The following PCDHGB4 variants were observed in gnomAD, a reference collection of about 807,000 sequenced individuals.
PCDHGB4 encodes protocadherin gamma-B4.
Under a neutral mutation model 60.5 loss-of-function variants are expected in PCDHGB4, and 38 were observed. That is an observed-to-expected ratio of 0.63 (90% CI 0.48 to 0.82). The LOEUF (loss-of-function observed/expected upper bound fraction) is 0.82. PCDHGB4 is among the 40% of genes least tolerant of loss of function. PCDHGB4 has a pLI of 0.00. For missense variants in PCDHGB4, 1,109 were observed against 1,209.6 expected, an observed-to-expected ratio of 0.92 and a Z score of 1.23; for synonymous variants, 456 against 509.7, an observed-to-expected ratio of 0.89 and a Z score of 1.42.
At chr5:141,414,167 A>T (rs2095716553) in intron 1 of PCDHGB4, 3 of 1,605,526 alleles carry the variant, frequency 1.9e-6, no homozygotes, top group Non-Finnish European at 2.6e-6. Flanking sequence ...GGAGGAGCAT[A>T]TCTTGCAACT....
chr5:141,454,081 T>C (rs1009599234), intron 1 of PCDHGB4, among the ~76,000 whole-genome samples: 2 of 152,198 alleles, frequency 1.3e-5, no homozygotes, highest in African/African-American at 4.8e-5. Flanking sequence ...ATGTTTTCAG[T>C]GAAATTTGAA....
intron 1 of PCDHGB4, chr5:141,395,285 T>A: frequency 6.5e-7 from 1 of 1,535,168 alleles, no homozygotes; most frequent in Non-Finnish European, 8.8e-7. Context: ...GAATTTTATT[T>A]GGCATAAATT....
rs767397479 is a variant in PCDHGB4 at position 141,430,717 on chromosome 5, T to C, written c.2397+40436T>C. On this transcript the variant is annotated intron_variant, in intron 1 of 3. Transcript: ENST00000519479. ...GCGAAGGAACTGCTCCTGACTTCAG[T>C]GGTTAAGGGCAGAATTGAAAATAAT... is the stretch of plus-strand genomic sequence containing the variant. The C allele has an allele frequency of 8.1e-6, 12 of 1,475,446 alleles. No individual in the cohort carries two copies. The East Asian group carries it at 2.4e-4, about 29-fold the overall frequency. 91.4% of individuals were successfully genotyped at this position (1,475,446 alleles called of 1,614,324 possible). A position where few individuals can be genotyped will look rare whatever the true frequency, so the allele number is the denominator to read the frequency against.
At chr5:141,428,448 T>C in intron 1 of PCDHGB4, 12 of 375,612 alleles carry the variant, frequency 3.2e-5, no homozygotes, top group South Asian at 2.4e-4. Flanking sequence ...CAGGGGTTTT[T>C]CCCAACTACA....
At position 141,490,219 on chromosome 5, in the gene PCDHGB4, C is replaced by T. The variant is rs771985398; in HGVS notation, c.2398-4588C>T. 2.5e-5 allele frequency: 41 copies of T among 1,614,094 alleles called. No individual in the cohort carries two copies. The highest frequency in any genetic ancestry group is 3.3e-5 in the Non-Finnish European group (39 of 1,180,038). On this transcript the variant is annotated intron_variant, in intron 1 of 3. Coordinates refer to ENST00000519479, the MANE Select transcript of PCDHGB4 (RefSeq NM_003736.4). This position sits in a 1 kb window ranked among gnomAD's most constrained non-coding sequence, Gnocchi z 5.4. ...TCATGCAAGAGCCCGTGACCAGGGA[C>T]AGCCTGCCATGGAGGGCCACTGTGT... is the stretch of plus-strand genomic sequence containing the variant.
chr5:141,399,527 T>A (rs781680585), intron 1 of PCDHGB4: 2 of 1,614,016 alleles, frequency 1.2e-6, no homozygotes, highest in East Asian at 2.2e-5. Context: ...GGGGCCTCCA[T>A]CGCGCAAGTC....
intron 1 of PCDHGB4, among the ~76,000 whole-genome samples, chr5:141,463,380 A>G (rs994170903): frequency 2.0e-5 from 3 of 149,876 alleles, no homozygotes; most frequent in Admixed American, 6.7e-5. Context: ...ACAGTCTGAA[A>G]GTTGTCTCCA....
rs980196319 is a variant in PCDHGB4 at position 141,511,604 on chromosome 5, A to C, written c.*431A>C. 3 of 248,420 alleles carry C rather than the reference A, an allele frequency of 1.2e-5. No individual in the cohort carries two copies. Among genetic ancestry groups the C allele is most frequent in the African/African-American group, 6.6e-5 (3 of 45,596 alleles). The allele number at this position is 248,420 out of a possible 1,614,324, so 15.4% of individuals were successfully genotyped here. Reference sequence around the variant, plus strand: ...GGTGTTGAAGTACCAAGTAACCTACAAGCCTCCTAGTTCTGAAAAGTTGGA... The same window carrying C: ...GGTGTTGAAGTACCAAGTAACCTACCAGCCTCCTAGTTCTGAAAAGTTGGA... On this transcript the variant is annotated 3_prime_UTR_variant, in exon 4 of 4. Coordinates refer to ENST00000519479, the MANE Select transcript of PCDHGB4 (RefSeq NM_003736.4).
At chr5:141,430,808 G>A in intron 1 of PCDHGB4, 1 of 1,526,682 alleles carries the variant, frequency 6.6e-7, no homozygotes, top group East Asian at 2.3e-5. Flanking sequence ...TGTCCTGCTG[G>A]GAATCCTCCT....
At chr5:141,409,135 T>G (rs748247175) in intron 1 of PCDHGB4, 1 of 1,614,026 alleles carries the variant, frequency 6.2e-7, no homozygotes, top group Non-Finnish European at 8.5e-7. Context: ...ATTTTGAAGA[T>G]GTAGAAAGGT....
intron 1 of PCDHGB4, among the ~76,000 whole-genome samples, chr5:141,436,221 G>C (rs1468526543): frequency 6.6e-6 from 1 of 152,004 alleles, no homozygotes; most frequent in African/African-American, 2.4e-5. Context: ...CAAATGACTT[G>C]GGAAACTAAG....
At chr5:141,419,051 T>A (rs1007349455) in intron 1 of PCDHGB4, 6 of 1,613,950 alleles carry the variant, frequency 3.7e-6, no homozygotes, top group East Asian at 2.2e-5. Context: ...TCATTCTTCT[T>A]CTAATAATTA....
In PCDHGB4 at chr5:141,489,068, G is replaced by GGC; in HGVS notation, c.2398-5739_2398-5738insGC. 1 of 291,558 alleles carries GGC rather than the reference G, an allele frequency of 3.4e-6. No individual in the cohort carries two copies. The allele number at this position is 291,558 out of a possible 1,614,324, so 18.1% of individuals were successfully genotyped here. ...CTCAAATTCAGCTCCCCTCCCCCCT[G>GGC]CCCACCCCCGCCACTCGGTGACTAA... On this transcript the variant is annotated intron_variant, in intron 1 of 3. Transcript: ENST00000519479. The surrounding 1 kb of genome is among the most constrained non-coding windows in gnomAD (Gnocchi z 4.5).
chr5:141,477,582 A>T lies in PCDHGB4; in HGVS notation c.2398-17225A>T, dbSNP rs567486170. The T allele has an allele frequency of 6.2e-7, 1 of 1,614,190 alleles. No individual in the cohort carries two copies. The highest frequency in any genetic ancestry group is 2.2e-5 in the East Asian group (1 of 44,888). ...GTCTGGGACCCCGACGCCCCGCAGA[A>T]TGCTCGGCTTTCTTTCTTTCTCTTG... On this transcript the variant is annotated intron_variant, in intron 1 of 3. Transcript: ENST00000519479. The surrounding 1 kb of genome is among the most constrained non-coding windows in gnomAD (Gnocchi z 4.9).
At chr5:141,478,020 A>G (rs1315422039) in intron 1 of PCDHGB4, 2 of 1,613,976 alleles carry the variant, frequency 1.2e-6, no homozygotes, top group Non-Finnish European at 1.7e-6. Flanking sequence ...CGTCCAGTCC[A>G]AGACACAGAT....
At chr5:141,414,640 G>A (rs1035735674) in intron 1 of PCDHGB4, 2 of 1,613,838 alleles carry the variant, frequency 1.2e-6, no homozygotes, top group Non-Finnish European at 1.7e-6. Flanking sequence ...CAAAGAGAAT[G>A]CCCAGATTAT....
chr5:141,421,207 A>G (rs1318794693), intron 1 of PCDHGB4: 3 of 1,533,934 alleles, frequency 2.0e-6, no homozygotes, highest in Non-Finnish European at 2.6e-6. Context: ...GAAACCGCGG[A>G]ATATCGGCTT....
chr5:141,419,084 GC>G (rs1218012099), intron 1 of PCDHGB4: 1 of 1,613,802 alleles, frequency 6.2e-7, no homozygotes, highest in African/African-American at 1.3e-5. Flanking sequence ...AACAGATGAG[GC>G]CCTGGATCGG....
Position 141,477,310 on chromosome 5 carries a change from C to T in PCDHGB4, c.2398-17497C>T. On this transcript the variant is annotated intron_variant, in intron 1 of 3. Coordinates refer to ENST00000519479, the MANE Select transcript of PCDHGB4 (RefSeq NM_003736.4). This position sits in a 1 kb window ranked among gnomAD's most constrained non-coding sequence, Gnocchi z 4.9. ...AAGTTCCACCGGGTCTCCCTTTCAGCCTTACTTCTTCCCTCAAGAATTACT... is the reference window on the plus strand; with the variant it reads ...AAGTTCCACCGGGTCTCCCTTTCAGTCTTACTTCTTCCCTCAAGAATTACT... The T allele has an allele frequency of 6.2e-7, 1 of 1,614,154 alleles. No homozygotes were observed. Among genetic ancestry groups the T allele is most frequent in the Non-Finnish European group, 8.5e-7 (1 of 1,180,018 alleles).
Sources: allele counts gnomAD v4.1 joint callset (sites outside exome capture counted in the v4.1 genomes callset), GRCh38; gene constraint gnomAD v4.1.1; non-coding constraint Gnocchi (gnomAD v3.1); transcripts MANE v1.5; gene names NCBI Gene and HGNC (gene_info 2026-07-23, HGNC 2026-07-21).